RAB11FIP5: variants seen among roughly 807,000 people sequenced by gnomAD.
RAB11FIP5 encodes rab11 family-interacting protein 5.
RAB11FIP5 carries 48 observed loss-of-function variants against 85.1 expected under a neutral mutation model. The observed-to-expected ratio is 0.56, with a 90% confidence interval of 0.45 to 0.72. RAB11FIP5 has a LOEUF of 0.72. RAB11FIP5 is among the 30% of genes least tolerant of loss of function. The probability of loss-of-function intolerance (pLI) is 0.00; values close to 1 mark genes in which losing one functional copy is unlikely to be tolerated. For missense variants in RAB11FIP5, 1,491 were observed against 1,687.0 expected, an observed-to-expected ratio of 0.88 and a Z score of 2.04; for synonymous variants, 729 against 727.3, an observed-to-expected ratio of 1.00 and a Z score of -0.04.
chr2:73,104,887 A>C (rs1684494391), intron 1 of RAB11FIP5, among the ~76,000 whole-genome samples: 1 of 152,214 alleles, frequency 6.6e-6, no homozygotes. Context: ...CGTTAGGCTT[A>C]TCTCAAACAT....
intron 1 of RAB11FIP5, among the ~76,000 whole-genome samples, chr2:73,093,570 C>T (rs1476554520): frequency 6.6e-6 from 1 of 152,256 alleles, no homozygotes; most frequent in Admixed American, 6.5e-5. Context: ...ATGCGCCTGA[C>T]AGCAGGGCAT....
At chr2:73,099,691 C>A (rs1264569211) in intron 1 of RAB11FIP5, among the ~76,000 whole-genome samples, 1 of 152,242 alleles carries the variant, frequency 6.6e-6, no homozygotes, top group African/African-American at 2.4e-5. Context: ...AAAACAGCCA[C>A]ATGCACCTGC....
intron 1 of RAB11FIP5, among the ~76,000 whole-genome samples, chr2:73,097,348 C>T (rs1333619535): frequency 6.6e-6 from 1 of 152,230 alleles, no homozygotes; most frequent in African/African-American, 2.4e-5. Context: ...CCCTCACCCT[C>T]TTTCATCATC....
chr2:73,112,119 C>A (rs1434542232), intron 1 of RAB11FIP5, among the ~76,000 whole-genome samples: 1 of 152,198 alleles, frequency 6.6e-6, no homozygotes. Flanking sequence ...CCACTTAAAC[C>A]TCCCCCAGGC....
At chr2:73,097,718 G>A (rs1210137282) in intron 1 of RAB11FIP5, among the ~76,000 whole-genome samples, 1 of 152,224 alleles carries the variant, frequency 6.6e-6, no homozygotes, top group Non-Finnish European at 1.5e-5. Context: ...AGGAGCCAGA[G>A]ATGTCAGGCT....
intron 1 of RAB11FIP5, among the ~76,000 whole-genome samples, chr2:73,100,857 TGCAGTG>T (rs1039173951): frequency 2.6e-5 from 4 of 151,928 alleles, no homozygotes; most frequent in Admixed American, 2.6e-4. Flanking sequence ...CAGGCTGGAG[TGCAGTG>T]GCACAATCTC....
intron 1 of RAB11FIP5, among the ~76,000 whole-genome samples, chr2:73,109,722 AG>A (rs1395683954): frequency 6.6e-6 from 1 of 152,196 alleles, no homozygotes; most frequent in African/African-American, 2.4e-5. Context: ...AGAGCTGCAA[AG>A]GGCCAGCTCA....
At chr2:73,090,722 G>A (rs184397447) in intron 1 of RAB11FIP5, among the ~76,000 whole-genome samples, 170 of 152,356 alleles carry the variant, frequency 1.1e-3, no homozygotes, top group Admixed American at 3.3e-3. Flanking sequence ...AAAGATCAGT[G>A]GTTGCTGGGG....
intron 4 of RAB11FIP5, among the ~76,000 whole-genome samples, chr2:73,076,426 G>A (rs1039918157): frequency 3.3e-5 from 5 of 152,030 alleles, no homozygotes; most frequent in Non-Finnish European, 7.4e-5. Context: ...TCATTCACCG[G>A]GTGAACTGAC....
At chr2:73,094,669 C>A (rs545302593) in intron 1 of RAB11FIP5, among the ~76,000 whole-genome samples, 1 of 152,232 alleles carries the variant, frequency 6.6e-6, no homozygotes, top group African/African-American at 2.4e-5. Context: ...TTAAGGTCAG[C>A]GGCCACCTGG....
chr2:73,075,150 G>A lies in RAB11FIP5; in HGVS notation c.*371C>T. 1 of 489,608 alleles carries A rather than the reference G, an allele frequency of 2.0e-6. No homozygotes were observed. Among genetic ancestry groups the A allele is most frequent in the Middle Eastern group, 3.0e-4 (1 of 3,296 alleles). 30.3% of individuals were successfully genotyped at this position (489,608 alleles called of 1,614,324 possible). A position where few individuals can be genotyped will look rare whatever the true frequency, so the allele number is the denominator to read the frequency against. ...GGGAAGAAATGGCTGACCATCCTTG[G>A]GGGATAATAAAGTATGTGCTAGCAA... is the stretch of plus-strand genomic sequence containing the variant. On this transcript the variant is annotated 3_prime_UTR_variant, in exon 6 of 6. Transcript: ENST00000486777. The surrounding 1 kb of genome is among the most constrained non-coding windows in gnomAD (Gnocchi z 4.6).
intron 1 of RAB11FIP5, among the ~76,000 whole-genome samples, chr2:73,110,765 C>G (rs1319565140): frequency 6.6e-6 from 1 of 152,116 alleles, no homozygotes; most frequent in East Asian, 1.9e-4. Flanking sequence ...CCCTGCAGGC[C>G]TGGAGCCTTT....
rs967719686 is a variant in RAB11FIP5, at chr2:73,086,899, G to C, written c.1568+1151C>G. 3.3e-5 allele frequency among the ~76,000 whole-genome samples: 5 copies of C among 152,150 alleles called. No individual in the cohort carries two copies. Among genetic ancestry groups the C allele is most frequent in the African/African-American group, 1.2e-4 (5 of 41,432 alleles). Reference sequence around the variant, plus strand: ...CCCCTATCTATGAGGGTCTAACAGGGATTGTCAGCTGACCATGGCCCAAAC... The same window carrying C: ...CCCCTATCTATGAGGGTCTAACAGGCATTGTCAGCTGACCATGGCCCAAAC... On this transcript the variant is annotated intron_variant, in intron 3 of 5. Coordinates refer to ENST00000486777, the MANE Select transcript of RAB11FIP5 (RefSeq NM_001371272.1). This position sits in a 1 kb window ranked among gnomAD's most constrained non-coding sequence, Gnocchi z 4.4.
At chr2:73,085,085 A>T (rs1684067437) in intron 3 of RAB11FIP5, among the ~76,000 whole-genome samples, 1 of 152,228 alleles carries the variant, frequency 6.6e-6, no homozygotes, top group Non-Finnish European at 1.5e-5. Flanking sequence ...TGTGAGGAGC[A>T]CATGAGGAGA....
chr2:73,112,908 C>A lies in RAB11FIP5; in HGVS notation c.-131G>T. On this transcript the variant is annotated 5_prime_UTR_variant, in exon 1 of 6. Coordinates refer to ENST00000486777, the MANE Select transcript of RAB11FIP5 (RefSeq NM_001371272.1). The stretch of plus-strand genomic sequence containing the variant: ...GCCGCAGCTGCGGGCTGGGCTGGGC[C>A]GGGCCGACCGGCCGCCGCCTCCCCG... The A allele has an allele frequency of 1.2e-6, 1 of 835,044 alleles. No individual in the cohort carries two copies. The highest frequency in any genetic ancestry group is 1.6e-6 in the Non-Finnish European group (1 of 635,642). 51.7% of individuals were successfully genotyped at this position (835,044 alleles called of 1,614,324 possible). A position where few individuals can be genotyped will look rare whatever the true frequency, so the allele number is the denominator to read the frequency against.
chr2:73,100,946 T>C (rs1338094526), intron 1 of RAB11FIP5, among the ~76,000 whole-genome samples: 1 of 151,944 alleles, frequency 6.6e-6, no homozygotes, highest in Non-Finnish European at 1.5e-5. Flanking sequence ...AGCTCGTCCT[T>C]ATGCTGGGCT....
At chr2:73,093,285 C>G (rs763511584) in intron 1 of RAB11FIP5, among the ~76,000 whole-genome samples, 2 of 152,166 alleles carry the variant, frequency 1.3e-5, no homozygotes, top group Non-Finnish European at 2.9e-5. Flanking sequence ...TCAGCTGCCA[C>G]CATCCTGCTG....
At chr2:73,105,830 C>T (rs546352251) in intron 1 of RAB11FIP5, among the ~76,000 whole-genome samples, 2 of 152,118 alleles carry the variant, frequency 1.3e-5, no homozygotes, top group Admixed American at 6.5e-5. Flanking sequence ...CTGAGGTGGG[C>T]AGTGTGGTGT....
Position 73,075,496 on chromosome 2 carries a change from C to T in RAB11FIP5, c.*25G>A. 6.2e-7 allele frequency: 1 copy of T among 1,611,270 alleles called. No individual in the cohort carries two copies. The highest frequency in any genetic ancestry group is 8.5e-7 in the Non-Finnish European group (1 of 1,177,480). On this transcript the variant is annotated 3_prime_UTR_variant, in exon 6 of 6. Coordinates refer to ENST00000486777, the MANE Select transcript of RAB11FIP5 (RefSeq NM_001371272.1). This position sits in a 1 kb window ranked among gnomAD's most constrained non-coding sequence, Gnocchi z 4.6. ...CAGGCAGCAATAGGTCCATGCCAAC[C>T]CTCCTGGGGGTAGGGTGAGGAAGGC...
Sources: gnomAD v4.1 joint callset for allele counts (sites outside exome capture counted in the v4.1 genomes callset) on GRCh38, gnomAD v4.1.1 for gene constraint, Gnocchi (gnomAD v3.1) non-coding constraint, MANE v1.5 for transcripts, NCBI Gene and HGNC (gene_info 2026-07-23, HGNC 2026-07-21) for gene names.